The following OCIAD1 variants were observed in gnomAD, a reference collection of about 807,000 sequenced individuals.
OCIAD1 encodes OCIA domain containing 1.
A neutral mutation model predicts 38.9 loss-of-function variants in OCIAD1; 29 were observed. That is an observed-to-expected ratio of 0.74 (90% CI 0.55 to 1.02). OCIAD1 has a LOEUF of 1.02. OCIAD1 is among the 50% of genes least tolerant of loss of function. OCIAD1 has a pLI of 0.00. For synonymous variants in OCIAD1, 110 were observed against 92.0 expected, an observed-to-expected ratio of 1.20 and a Z score of -1.12; for missense variants, 288 against 289.6, an observed-to-expected ratio of 0.99 and a Z score of 0.04.
upstream of OCIAD1, among the ~76,000 whole-genome samples, chr4:48,830,106 C>T (rs757171208): frequency 2.6e-5 from 4 of 152,188 alleles, no homozygotes; most frequent in Non-Finnish European, 5.9e-5. Context: ...CAGGCTGTTT[C>T]TTGTTAGTGA....
intron 1 of OCIAD1, among the ~76,000 whole-genome samples, chr4:48,823,699 G>A (rs1401479308): frequency 6.6e-6 from 1 of 150,878 alleles, no homozygotes; most frequent in Non-Finnish European, 1.5e-5. Context: ...GTCTTGTTCT[G>A]TTGCCCAGGC....
intron 1 of OCIAD1, among the ~76,000 whole-genome samples, chr4:48,810,338 G>A (rs1467600955): frequency 2.0e-4 from 30 of 151,676 alleles, no homozygotes; most frequent in African/African-American, 6.5e-4. Context: ...GCGCGGTGGC[G>A]GGTGCCTGTA....
In OCIAD1 at chr4:48,832,714, G is replaced by A. The variant is rs1777623417; in HGVS notation, c.58+32G>A. On this transcript the variant is annotated intron_variant, in intron 2 of 8. Coordinates refer to ENST00000264312, the MANE Select transcript of OCIAD1 (RefSeq NM_017830.4). ...ATCTATTAAGTATTTATAATTAGAA[G>A]CACTTCCTATGTAAAGGAATTTTCA... 7.2e-6 allele frequency: 11 copies of A among 1,526,876 alleles called. No individual in the cohort carries two copies. In the East Asian group the frequency reaches 2.2e-4, roughly 31 times the overall value. The allele number at this position is 1,526,876 out of a possible 1,614,324, so 94.6% of individuals were successfully genotyped here. A position where few individuals can be genotyped will look rare whatever the true frequency, so the allele number is the denominator to read the frequency against.
At chr4:48,848,816 T>A (rs1579091683) in intron 5 of OCIAD1, 1 of 155,986 alleles carries the variant, frequency 6.4e-6, no homozygotes, top group South Asian at 2.0e-4. Context: ...TTAAAAGAAA[T>A]CTCTCTAATT....
At chr4:48,850,869 C>T (rs1779394636) in intron 6 of OCIAD1, among the ~76,000 whole-genome samples, 1 of 152,232 alleles carries the variant, frequency 6.6e-6, no homozygotes, top group Non-Finnish European at 1.5e-5. Flanking sequence ...GCCACTGCAT[C>T]TGGCCTTCAT....
At chr4:48,829,817 C>T (rs1456237902), upstream of OCIAD1, among the ~76,000 whole-genome samples, 1 of 152,198 alleles carries the variant, frequency 6.6e-6, no homozygotes, top group Non-Finnish European at 1.5e-5. Context: ...TAAAGACTTA[C>T]AAGCCAACAT....
chr4:48,832,713 A>C (rs1452723286), intron 2 of OCIAD1, 31 bp downstream of exon 2: 1 of 1,529,106 alleles, frequency 6.5e-7, no homozygotes. Flanking sequence ...TATAATTAGA[A>C]GCACTTCCTA....
At chr4:48,819,113 A>G (rs532206515) in intron 1 of OCIAD1, among the ~76,000 whole-genome samples, 2 of 152,284 alleles carry the variant, frequency 1.3e-5, no homozygotes, top group East Asian at 3.9e-4. Flanking sequence ...ACCCCGAGAC[A>G]CATAATGGTC....
intron 1 of OCIAD1, among the ~76,000 whole-genome samples, chr4:48,819,941 C>T (rs1777177797): frequency 6.6e-6 from 1 of 151,966 alleles, no homozygotes; most frequent in Non-Finnish European, 1.5e-5. Context: ...GACTCCCACG[C>T]AATAATAATG....
chr4:48,819,716 C>CAAAAAAAAAAAAAAAAAA (rs576081813), intron 1 of OCIAD1, among the ~76,000 whole-genome samples: 3 of 10,446 alleles, frequency 2.9e-4, no homozygotes, highest in Non-Finnish European at 5.3e-4. Context: ...TTACCAAGCG[C>CAAAAAAAAAAAAAAAAAA]AAAAAAAAAA....
At chr4:48,855,664 A>G (rs1779968867) in intron 7 of OCIAD1, among the ~76,000 whole-genome samples, 1 of 152,104 alleles carries the variant, frequency 6.6e-6, no homozygotes, top group Non-Finnish European at 1.5e-5. Context: ...TAAAAATGCA[A>G]AATTAGCTGG....
At chr4:48,839,938 C>T (rs1778373369) in intron 3 of OCIAD1, among the ~76,000 whole-genome samples, 1 of 152,146 alleles carries the variant, frequency 6.6e-6, no homozygotes, top group South Asian at 2.1e-4. Context: ...TCAGCATTAC[C>T]ACAAACTAAC....
At chr4:48,848,266 C>A in intron 4 of OCIAD1, 133 bp from the exon 5 acceptor site, 1 of 441,180 alleles carries the variant, frequency 2.3e-6, no homozygotes. Context: ...ATTTGGTTTT[C>A]CCTATTAAAC....
intron 1 of OCIAD1, among the ~76,000 whole-genome samples, chr4:48,823,775 G>T (rs1777220794): frequency 7.5e-6 from 1 of 134,030 alleles, no homozygotes; most frequent in Non-Finnish European, 1.6e-5. Context: ...TGATCCTCTT[G>T]CTTCATGCTC....
At chr4:48,815,085 G>A (rs1355097362) in intron 1 of OCIAD1, among the ~76,000 whole-genome samples, 9 of 152,128 alleles carry the variant, frequency 5.9e-5, no homozygotes, top group South Asian at 2.1e-4. Flanking sequence ...AGGCTGAGGT[G>A]GGCAGATCAT....
At position 48,850,028 on chromosome 4, in the gene OCIAD1, C is replaced by T. The variant is rs765644170; in HGVS notation, c.323C>T (p.Ser108Phe). 3.7e-6 allele frequency: 6 copies of T among 1,613,102 alleles called. No homozygotes were observed. The highest frequency in any genetic ancestry group is 5.1e-6 in the Non-Finnish European group (6 of 1,179,556). The change falls in exon 6 of 9, where the codon TCC (serine) becomes TTC (phenylalanine). Residue 108 changes from serine to phenylalanine, a missense_variant. Coordinates refer to ENST00000264312, the MANE Select transcript of OCIAD1 (RefSeq NM_017830.4). Reference sequence around the variant, plus strand: ...GAGAAATTCAAGAAACTTGAAAATTCCCCCCTTGGAGAAGCTTTACGATCA... The same window carrying T: ...GAGAAATTCAAGAAACTTGAAAATTTCCCCCTTGGAGAAGCTTTACGATCA... ...CQEKFKKLENSPLGEALRSGQ... is the reference protein window; with the variant it reads ...CQEKFKKLENFPLGEALRSGQ...
chr4:48,842,611 T>A, intron 3 of OCIAD1, 25 bp from the exon 4 acceptor site: 1 of 1,528,770 alleles, frequency 6.5e-7, no homozygotes, highest in Non-Finnish European at 8.9e-7. Flanking sequence ...TTGTTGATGT[T>A]AACAAGGTCT....
Position 48,831,389 on chromosome 4 carries a change from C to T in OCIAD1, c.-6+140C>T, listed in dbSNP as rs575721536. 1.3e-5 allele frequency: 11 copies of T among 819,612 alleles called. 1 individual carries two copies. The South Asian group carries it at 1.5e-4, about 11-fold the overall frequency. 50.8% of individuals were successfully genotyped at this position (819,612 alleles called of 1,614,324 possible). ...CAGATCGCGCTCGGGTCTCGGCCTC[C>T]TGAGTGCCGGTGACTGCGGGAGGCG... On this transcript the variant is annotated intron_variant, in intron 1 of 8. Coordinates refer to ENST00000264312, the MANE Select transcript of OCIAD1 (RefSeq NM_017830.4).
Position 48,849,690 on chromosome 4 carries a change from T to C in OCIAD1, c.242-257T>C, listed in dbSNP as rs3761730. Among the ~76,000 whole-genome samples the C allele has an allele frequency of 5.8e-4, 88 of 152,302 alleles. 1 individual carries two copies. In the East Asian group the frequency reaches 0.014, roughly 25 times the overall value. ...CCTGTATATATTATAAAGTAATTAG[T>C]ATACTATAATTGATTTATTTATAGC... On this transcript the variant is annotated intron_variant, in intron 5 of 8. Transcript: ENST00000264312.
Sources: gnomAD v4.1 joint callset for allele counts (sites outside exome capture counted in the v4.1 genomes callset) on GRCh38, gnomAD v4.1.1 for gene constraint, MANE v1.5 for transcripts, NCBI Gene and HGNC (gene_info 2026-07-23, HGNC 2026-07-21) for gene names.